Variants in HMGB3 observed in about 807,000 individuals in gnomAD.
The protein encoded by HMGB3 is high mobility group box 3.
HMGB3 carries 1 observed loss-of-function variant against 12.9 expected under a neutral mutation model. The ratio of observed to expected loss-of-function variants is 0.08; its 90% CI spans 0.03 to 0.37. The LOEUF is 0.37. Among genes scored for constraint, HMGB3 ranks in the 10% least tolerant of loss-of-function variants. The probability of loss-of-function intolerance (pLI) is 0.99; values close to 1 mark genes in which losing one functional copy is unlikely to be tolerated. For missense variants in HMGB3, 74 were observed against 153.3 expected (o/e 0.48, Z 2.73); for synonymous variants, 61 against 53.9 (o/e 1.13, Z -0.57).
rs2048045367 is a variant in HMGB3 at position 150,985,705 on chromosome X, G to A, written c.106G>A (p.Val36Ile). ...EHKKKNPEVP[V>I]NFAEFSKKCS... is the part of the protein sequence containing the mutation. Reference sequence around the variant, plus strand: ...TAAGAAGAAAAACCCAGAGGTCCCTGTCAATTTTGCGGAATTTTCCAAGAA... The same window carrying A: ...TAAGAAGAAAAACCCAGAGGTCCCTATCAATTTTGCGGAATTTTCCAAGAA... Residue 36 changes from valine (V) to isoleucine (I), a missense_variant, in exon 2 of 5, where the codon GTC (valine) becomes ATC (isoleucine). Val to Ile is a conservative substitution (Grantham distance 29). This residue lies in a region of HMGB3 where 45 missense variants were observed against 123.8 expected (regional missense o/e 0.36). Transcript: ENST00000325307. The A allele has an allele frequency of 8.3e-7, 1 of 1,210,479 alleles. No homozygotes were observed. The highest frequency in any genetic ancestry group is 1.1e-6 in the Non-Finnish European group (1 of 894,429).
intron 1 of HMGB3, chrX:150,984,521 G>GCACCGC (rs1190904004): frequency 1.1e-5 from 5 of 437,110 alleles, no homozygotes; most frequent in African/African-American, 2.7e-5. Context: ...CACCCCCCGC[G>GCACCGC]CACCGCCACC....
chrX:150,985,504 A>T, intron 1 of HMGB3, 91 bp from the exon 2 acceptor site: 1 of 661,288 alleles, frequency 1.5e-6, no homozygotes, highest in Non-Finnish European at 2.2e-6. Flanking sequence ...GTGTAGTTTT[A>T]GTTTTGCTCT....
rs2048076317 is a variant in HMGB3, at chrX:150,988,342, CAA to C, written c.*430_*431del. The C allele has an allele frequency of 8.6e-6, 1 of 115,674 alleles. No individual in the cohort carries two copies. Among genetic ancestry groups the C allele is most frequent in the African/African-American group, 3.2e-5 (1 of 30,797 alleles). The allele number at this position is 115,674 out of a possible 1,213,427, so 9.5% of individuals were successfully genotyped here. On this transcript the variant is annotated 3_prime_UTR_variant, in exon 5 of 5. Coordinates refer to ENST00000325307, the MANE Select transcript of HMGB3 (RefSeq NM_005342.4). Reference sequence around the variant, plus strand: ...TGTAAAAAGAACAAAACAACCGAGACAAACCCTTGATGCTCCTTGCTCGGCGT... The same window carrying C: ...TGTAAAAAGAACAAAACAACCGAGACACCCTTGATGCTCCTTGCTCGGCGT...
chrX:150,982,773 T>C (rs916207482), upstream of HMGB3, among the ~76,000 whole-genome samples: 1 of 113,136 alleles, frequency 8.8e-6, no homozygotes, highest in Non-Finnish European at 1.9e-5. Context: ...CCCGAGGTCT[T>C]GGCGAGCAAG....
Position 150,985,763 on chromosome X carries a change from G to T in HMGB3, c.150+14G>T. On this transcript the variant is annotated intron_variant, in intron 2 of 4. Transcript: ENST00000325307. ...GAGAGGTGGAAGGTATTTTTCTTTG[G>T]TACCCTTCAAACTAGTCTTAGTTGG... 1.7e-6 allele frequency: 2 copies of T among 1,199,506 alleles called. No homozygotes were observed. Among genetic ancestry groups the T allele is most frequent in the Non-Finnish European group, 2.3e-6 (2 of 886,620 alleles).
intron 1 of HMGB3, chrX:150,984,754 C>T (rs1292400496): frequency 8.3e-6 from 1 of 120,831 alleles, no homozygotes; most frequent in African/African-American, 3.2e-5. Context: ...GGGCAGCCTC[C>T]TGGGCGGCTG....
At chrX:150,984,990 G>T (rs782296705) in intron 1 of HMGB3, among the ~76,000 whole-genome samples, 2 of 111,799 alleles carry the variant, frequency 1.8e-5, no homozygotes, top group Non-Finnish European at 3.8e-5. Context: ...ACGAAGTGAT[G>T]AATTGAACTA....
chrX:150,984,847 C>T lies in HMGB3; in HGVS notation c.-5-748C>T, dbSNP rs2048035449. Among the ~76,000 whole-genome samples the T allele has an allele frequency of 3.6e-5, 4 of 111,901 alleles. No homozygotes were observed. The Admixed American group carries it at 3.8e-4, about 11-fold the overall frequency. On this transcript the variant is annotated intron_variant, in intron 1 of 4. Transcript: ENST00000325307. ...GATGGCGGGAAGCTGGGGGGTGGGA[C>T]AGGGACGATGACATGCCGCAGCTGC...
chrX:150,984,208 G>A (rs1369309125), intron 1 of HMGB3, among the ~76,000 whole-genome samples: 3 of 97,164 alleles, frequency 3.1e-5, no homozygotes, highest in Non-Finnish European at 6.3e-5. Context: ...GCCGCTGCGG[G>A]CCCTGGAGCG....
At position 150,989,514 on chromosome X, in the gene HMGB3, C is replaced by A. The variant is rs1375707046; in HGVS notation, c.*1600C>A. On this transcript the variant is annotated 3_prime_UTR_variant, in exon 5 of 5. Coordinates refer to ENST00000325307, the MANE Select transcript of HMGB3 (RefSeq NM_005342.4). ...ATGTTCAATGTTAAACTGGAAGGAG[C>A]TTGGTTTGTGTGTCAGTGGTTATAT... 2 of 111,722 alleles carry A rather than the reference C, an allele frequency of 1.8e-5. No individual in the cohort carries two copies. Among genetic ancestry groups the A allele is most frequent in the Non-Finnish European group, 3.8e-5 (2 of 53,153 alleles). The allele number at this position is 111,722 out of a possible 1,213,427, so 9.2% of individuals were successfully genotyped here.
intron 3 of HMGB3, 55 bp downstream of exon 3, chrX:150,986,245 G>T (rs2048051059): frequency 9.8e-7 from 1 of 1,019,886 alleles, no homozygotes; most frequent in Non-Finnish European, 1.3e-6. Flanking sequence ...CTGCTTGGAG[G>T]ATTTGGTTTT....
chrX:150,986,828 G>A (rs2048058411), intron 3 of HMGB3, among the ~76,000 whole-genome samples: 1 of 110,754 alleles, frequency 9.0e-6, no homozygotes, highest in African/African-American at 3.3e-5. Flanking sequence ...TATATTTTTA[G>A]TAGAGACGGG....
chrX:150,984,807 G>A (rs1271688520), intron 1 of HMGB3, among the ~76,000 whole-genome samples: 2 of 112,180 alleles, frequency 1.8e-5, no homozygotes, highest in Non-Finnish European at 3.8e-5. Context: ...GACCTTGGGT[G>A]TGGGAAAAGG....
At chrX:150,984,735 G>T (rs2048033980) in intron 1 of HMGB3, 1 of 145,911 alleles carries the variant, frequency 6.9e-6, no homozygotes, top group Non-Finnish European at 1.2e-5. Flanking sequence ...GCCGCTGCGG[G>T]TCTCTGTTGG....
At chrX:150,981,393 C>T (rs2047991435), upstream of HMGB3, among the ~76,000 whole-genome samples, 1 of 107,238 alleles carries the variant, frequency 9.3e-6, no homozygotes, top group Admixed American at 1.0e-4. Context: ...CTTAAGATCT[C>T]TGAACTCCTG....
upstream of HMGB3, among the ~76,000 whole-genome samples, chrX:150,982,827 T>C (rs1361715994): frequency 1.8e-5 from 2 of 112,726 alleles, no homozygotes; most frequent in African/African-American, 6.4e-5. Context: ...TGCCGCCGCG[T>C]TTCTGTCGCG....
In HMGB3 at chrX:150,988,158, GA is replaced by G; in HGVS notation, c.*248del. 3.1e-6 allele frequency: 1 copy of G among 320,180 alleles called. No homozygotes were observed. The allele number at this position is 320,180 out of a possible 1,213,427, so 26.4% of individuals were successfully genotyped here. ...ACATATTTCCAAACATTTTTAAAATGAAAAGGCACTCTCGTGTTCTCCTCAC... is the reference window on the plus strand; with the variant it reads ...ACATATTTCCAAACATTTTTAAAATGAAAGGCACTCTCGTGTTCTCCTCAC... On this transcript the variant is annotated 3_prime_UTR_variant, in exon 5 of 5. Coordinates refer to ENST00000325307, the MANE Select transcript of HMGB3 (RefSeq NM_005342.4).
intron 1 of HMGB3, among the ~76,000 whole-genome samples, chrX:150,984,339 GGCGGGGT>G (rs2048026649): frequency 1.0e-5 from 1 of 96,379 alleles, no homozygotes; most frequent in Non-Finnish European, 2.1e-5. Flanking sequence ...GGCGGGGCGG[GGCGGGGT>G]GGGGGCCGAC....
At position 150,990,524 on chromosome X, in the gene HMGB3, G is replaced by C. The variant is rs1368257522; in HGVS notation, c.*2610G>C. 1.9e-5 allele frequency: 2 copies of C among 107,641 alleles called. No homozygotes were observed. The highest frequency in any genetic ancestry group is 6.8e-5 in the African/African-American group (2 of 29,509). 8.9% of individuals were successfully genotyped at this position (107,641 alleles called of 1,213,427 possible). On this transcript the variant is annotated 3_prime_UTR_variant, in exon 5 of 5. Coordinates refer to ENST00000325307, the MANE Select transcript of HMGB3 (RefSeq NM_005342.4). ...AGCTTGATTTCTGGGCCCACTGTCT[G>C]TGTTCTTAAGATGCCAACCTGTTGC...
Sources: allele counts gnomAD v4.1 joint callset (sites outside exome capture counted in the v4.1 genomes callset), GRCh38; gene constraint gnomAD v4.1.1; regional missense constraint gnomAD v4.1.1; transcripts MANE v1.5; gene names NCBI Gene and HGNC (gene_info 2026-07-23, HGNC 2026-07-21).